The following HS2ST1 variants were observed in gnomAD, a reference collection of about 807,000 sequenced individuals.
HS2ST1 encodes the protein 2-O-sulfotransferase.
A neutral mutation model predicts 42.9 loss-of-function variants in HS2ST1; 18 were observed. That is an observed-to-expected ratio of 0.42 (90% CI 0.29 to 0.62). The LOEUF is 0.62. HS2ST1 is among the 20% of genes least tolerant of loss of function. HS2ST1 has a pLI of 0.21. For synonymous variants in HS2ST1, 146 were observed against 152.9 expected (o/e 0.95, Z 0.33); for missense variants, 334 against 433.8 (o/e 0.77, Z 2.04).
At chr1:87,099,400 G>T (rs1467023003) in intron 5 of HS2ST1, among the ~76,000 whole-genome samples, 1 of 152,196 alleles carries the variant, frequency 6.6e-6, no homozygotes, top group Non-Finnish European at 1.5e-5. Context: ...GGCAGTAGGG[G>T]TGGGGGTATG....
chr1:86,926,763 A>G (rs1171109100), intron 1 of HS2ST1, among the ~76,000 whole-genome samples: 1 of 152,190 alleles, frequency 6.6e-6, no homozygotes, highest in Non-Finnish European at 1.5e-5. Flanking sequence ...GGAAAGAATC[A>G]TGGTTTTATT....
Position 87,105,529 on chromosome 1 carries a change from T to A in HS2ST1, c.*833T>A, listed in dbSNP as rs1652308388. ...TCGGTGACTCCGTATTATGACTCCA[T>A]TAGTGAGCTGTGGTATGGGTAGGAT... On this transcript the variant is annotated 3_prime_UTR_variant, in exon 7 of 7. Coordinates refer to ENST00000370550, the MANE Select transcript of HS2ST1 (RefSeq NM_012262.4). 3 of 152,470 alleles carry A rather than the reference T, an allele frequency of 2.0e-5. No homozygotes were observed. Among genetic ancestry groups the A allele is most frequent in the South Asian group, 2.1e-4 (1 of 4,828 alleles). 9.4% of individuals were successfully genotyped at this position (152,470 alleles called of 1,614,324 possible). A position where few individuals can be genotyped will look rare whatever the true frequency, so the allele number is the denominator to read the frequency against.
intron 1 of HS2ST1, among the ~76,000 whole-genome samples, chr1:86,964,010 G>A (rs954808447): frequency 2.7e-5 from 4 of 150,430 alleles, no homozygotes; most frequent in Non-Finnish European, 4.4e-5. Flanking sequence ...GGGCGGCCGG[G>A]CAGAGACGCT....
intron 1 of HS2ST1, among the ~76,000 whole-genome samples, chr1:86,977,198 A>G (rs531133848): frequency 2.0e-5 from 3 of 152,336 alleles, no homozygotes; most frequent in African/African-American, 7.2e-5. Context: ...ATAATTACCT[A>G]CATGATGGAT....
intron 5 of HS2ST1, 137 bp from the exon 6 acceptor site, chr1:87,103,295 G>A (rs1483362245): frequency 1.5e-6 from 1 of 683,210 alleles, no homozygotes; most frequent in Non-Finnish European, 2.3e-6. Context: ...GCCTCCCACA[G>A]GATGGTAATA....
chr1:86,935,487 G>A (rs1193297729), intron 1 of HS2ST1, among the ~76,000 whole-genome samples: 3 of 105,146 alleles, frequency 2.9e-5, no homozygotes, highest in East Asian at 3.0e-4. Flanking sequence ...TTTTGAGATA[G>A]AGGCTTGCTC....
chr1:87,008,717 A>G (rs1164538923), intron 1 of HS2ST1, among the ~76,000 whole-genome samples: 2 of 152,256 alleles, frequency 1.3e-5, no homozygotes, highest in African/African-American at 4.8e-5. Context: ...GACTGGCTCA[A>G]GAAGGTTTCA....
chr1:87,071,812 G>C (rs1651419297), intron 1 of HS2ST1, among the ~76,000 whole-genome samples: 1 of 151,932 alleles, frequency 6.6e-6, no homozygotes, highest in Non-Finnish European at 1.5e-5. Flanking sequence ...AAATGTAAAG[G>C]TTGGGTGGGG....
chr1:87,004,206 C>T (rs1035803907), intron 1 of HS2ST1, among the ~76,000 whole-genome samples: 9 of 152,026 alleles, frequency 5.9e-5, no homozygotes, highest in Non-Finnish European at 5.9e-5. Context: ...GCCTGGCCAA[C>T]GTGGTGAAAC....
rs899018538 is a variant in HS2ST1, at chr1:87,105,405, G to A, written c.*709G>A. The A allele has an allele frequency of 2.0e-5, 3 of 152,482 alleles. No homozygotes were observed. Among genetic ancestry groups the A allele is most frequent in the Non-Finnish European group, 4.4e-5 (3 of 67,956 alleles). The allele number at this position is 152,482 out of a possible 1,614,324, so 9.4% of individuals were successfully genotyped here. On this transcript the variant is annotated 3_prime_UTR_variant, in exon 7 of 7. Transcript: ENST00000370550. The stretch of plus-strand genomic sequence containing the variant: ...AGATACTTCAAAGAATATTGAGATT[G>A]TCTGAAGTTTTAGTTAAGATTTTCA...
intron 1 of HS2ST1, among the ~76,000 whole-genome samples, chr1:86,977,547 A>G (rs1322089341): frequency 1.3e-5 from 2 of 152,244 alleles, no homozygotes; most frequent in Non-Finnish European, 2.9e-5. Flanking sequence ...AGACAAAATT[A>G]TGATTTCTTG....
chr1:87,052,202 C>G (rs901496260), intron 1 of HS2ST1, among the ~76,000 whole-genome samples: 1 of 152,114 alleles, frequency 6.6e-6, no homozygotes, highest in Non-Finnish European at 1.5e-5. Context: ...GCAGTGAGCC[C>G]TAATCATGCC....
chr1:87,027,932 T>C (rs1480891967), intron 1 of HS2ST1, among the ~76,000 whole-genome samples: 2 of 152,158 alleles, frequency 1.3e-5, no homozygotes, highest in Admixed American at 6.5e-5. Flanking sequence ...TCAAGTGATC[T>C]GCCCGCCTCG....
At chr1:86,919,054 C>T (rs1660233310) in intron 1 of HS2ST1, among the ~76,000 whole-genome samples, 1 of 151,746 alleles carries the variant, frequency 6.6e-6, no homozygotes, top group Non-Finnish European at 1.5e-5. Context: ...TCGGCTCACT[C>T]CTGCCTCAGC....
At chr1:86,978,169 C>T (rs1225928418) in intron 1 of HS2ST1, among the ~76,000 whole-genome samples, 1 of 152,128 alleles carries the variant, frequency 6.6e-6, no homozygotes, top group Non-Finnish European at 1.5e-5. Context: ...TGTGTAAATG[C>T]ACTCTGATGT....
At chr1:87,079,467 A>T (rs1021916477) in intron 2 of HS2ST1, among the ~76,000 whole-genome samples, 2 of 152,296 alleles carry the variant, frequency 1.3e-5, no homozygotes, top group Admixed American at 1.3e-4. Flanking sequence ...ACTGTTTTCT[A>T]GATTAGTGTG....
intron 1 of HS2ST1, among the ~76,000 whole-genome samples, chr1:87,040,678 C>G (rs1650498026): frequency 6.6e-6 from 1 of 152,030 alleles, no homozygotes; most frequent in East Asian, 1.9e-4. Flanking sequence ...AGAATGTTAG[C>G]AGTAGTAGAG....
At chr1:86,980,775 ATATC>A (rs1648554729) in intron 1 of HS2ST1, among the ~76,000 whole-genome samples, 1 of 152,200 alleles carries the variant, frequency 6.6e-6, no homozygotes, top group Non-Finnish European at 1.5e-5. Flanking sequence ...TACTATTAGG[ATATC>A]GGGGACAAAA....
chr1:86,960,643 G>C (rs1647810854), intron 1 of HS2ST1, among the ~76,000 whole-genome samples: 1 of 152,182 alleles, frequency 6.6e-6, no homozygotes, highest in South Asian at 2.1e-4. Context: ...CCTTGGAGAA[G>C]ATATACAGAT....
Sources: gnomAD v4.1 joint callset for allele counts (sites outside exome capture counted in the v4.1 genomes callset) on GRCh38, gnomAD v4.1.1 for gene constraint, MANE v1.5 for transcripts, NCBI Gene and HGNC (gene_info 2026-07-23, HGNC 2026-07-21) for gene names.